Variants in KLRF1 observed in about 807,000 individuals in gnomAD.
The protein encoded by KLRF1 is killer cell lectin-like receptor subfamily F member 1.
KLRF1 carries 27 observed loss-of-function variants against 30.7 expected under a neutral mutation model. The observed-to-expected ratio is 0.88, with a 90% CI of 0.65 to 1.21. The LOEUF (loss-of-function observed/expected upper bound fraction) is 1.21. KLRF1 is among the 50% of genes most tolerant of loss of function. The pLI, the probability that KLRF1 is intolerant of heterozygous loss-of-function variation, is 0.00. For synonymous variants in KLRF1, 92 were observed against 89.3 expected (o/e 1.03, Z -0.17); for missense variants, 246 against 259.3 (o/e 0.95, Z 0.35).
the KLRF1 span, among the ~76,000 whole-genome samples, chr12:9,807,690 C>T: frequency 1.3e-5 from 2 of 152,084 alleles, no homozygotes; most frequent in Non-Finnish European, 2.9e-5. Context: ...TGCTTTCACT[C>T]TTAAGAATAT....
chr12:9,823,732 C>T (rs977958428), upstream of KLRF1, among the ~76,000 whole-genome samples: 49 of 150,564 alleles, frequency 3.3e-4, 1 homozygote, highest in African/African-American at 1.2e-3. Context: ...AAAAGTCTCT[C>T]ATTGGACTAA....
intron 1 of KLRF1, among the ~76,000 whole-genome samples, chr12:9,829,519 G>A (rs1035809768): frequency 3.3e-5 from 5 of 152,266 alleles, no homozygotes; most frequent in Admixed American, 6.5e-5. Context: ...TTGGAAGGCC[G>A]AGGCAGGATG....
chr12:9,823,285 C>T (rs1321915846), upstream of KLRF1, among the ~76,000 whole-genome samples: 2 of 149,082 alleles, frequency 1.3e-5, no homozygotes, highest in African/African-American at 2.5e-5. Flanking sequence ...ATGCCAAACA[C>T]ATTCTTGGAC....
the KLRF1 span, among the ~76,000 whole-genome samples, chr12:9,820,377 C>T: frequency 6.6e-6 from 1 of 152,228 alleles, no homozygotes; most frequent in African/African-American, 2.4e-5. Flanking sequence ...CGTATCTCCT[C>T]GCTGGGCGGG....
chr12:9,811,670 G>A, the KLRF1 span, among the ~76,000 whole-genome samples: 2 of 152,178 alleles, frequency 1.3e-5, no homozygotes, highest in African/African-American at 2.4e-5. Context: ...ACAAAGGAAG[G>A]AAAGGAGAAG....
chr12:9,823,221 A>C (rs1867246153), upstream of KLRF1, among the ~76,000 whole-genome samples: 1 of 63,264 alleles, frequency 1.6e-5, no homozygotes. Flanking sequence ...TTCTTAGCAA[A>C]TGCAAAAAAA....
the KLRF1 span, among the ~76,000 whole-genome samples, chr12:9,806,817 A>C: frequency 6.6e-6 from 1 of 151,964 alleles, no homozygotes; most frequent in Non-Finnish European, 1.5e-5. Flanking sequence ...AGTAGCTGAG[A>C]CGACAGGCAC....
chr12:9,801,209 G>C, the KLRF1 span, among the ~76,000 whole-genome samples: 1 of 152,108 alleles, frequency 6.6e-6, no homozygotes, highest in East Asian at 1.9e-4. Context: ...AGTATTCCAT[G>C]GTGTATATGT....
chr12:9,829,695 G>A (rs754110645), intron 1 of KLRF1, among the ~76,000 whole-genome samples: 20 of 152,270 alleles, frequency 1.3e-4, no homozygotes, highest in African/African-American at 4.3e-4. Context: ...GGAGCTCAAG[G>A]TTACAAAGAG....
chr12:9,840,333 G>C (rs1282701292), intron 3 of KLRF1, among the ~76,000 whole-genome samples: 1 of 151,942 alleles, frequency 6.6e-6, no homozygotes, highest in Non-Finnish European at 1.5e-5. Context: ...GGCTAAAATG[G>C]TGAATTTTAT....
intron 3 of KLRF1, among the ~76,000 whole-genome samples, chr12:9,833,705 G>C (rs1469514180): frequency 6.6e-6 from 1 of 152,094 alleles, no homozygotes; most frequent in Non-Finnish European, 1.5e-5. Flanking sequence ...TGGAAAGTTA[G>C]TTGTTATTAA....
In KLRF1 at chr12:9,833,302, G is replaced by A; in HGVS notation, c.185-1G>A. The A allele has an allele frequency of 3.8e-6, 6 of 1,588,300 alleles. No homozygotes were observed. Among genetic ancestry groups the A allele is most frequent in the Non-Finnish European group, 5.1e-6 (6 of 1,168,836 alleles). On this transcript the variant is annotated splice_acceptor_variant, in intron 2 of 5. Coordinates refer to ENST00000617889, the MANE Select transcript of KLRF1 (RefSeq NM_016523.3). LOFTEE classifies it high-confidence loss of function. ...AACCTTAAAATAGTCCTGTATTCAA[G>A]TTTCTCAGGGAGTATTGCTAAAATG... is the stretch of plus-strand genomic sequence containing the variant.
upstream of KLRF1, among the ~76,000 whole-genome samples, chr12:9,824,663 G>C (rs1175209979): frequency 6.6e-6 from 1 of 152,122 alleles, no homozygotes; most frequent in African/African-American, 2.4e-5. Context: ...TAGGAAGAGA[G>C]GACGTAAAAC....
At chr12:9,821,886 G>A in the KLRF1 span, among the ~76,000 whole-genome samples, 48 of 152,190 alleles carry the variant, frequency 3.2e-4, no homozygotes, top group African/African-American at 1.2e-3. Context: ...ACATCCCAAA[G>A]CTTTAATACC....
chr12:9,834,013 G>A (rs900930774), intron 3 of KLRF1, among the ~76,000 whole-genome samples: 4 of 149,972 alleles, frequency 2.7e-5, no homozygotes, highest in Admixed American at 1.3e-4. Context: ...GGGTGAGGCC[G>A]TTTTATAGGA....
the KLRF1 span, among the ~76,000 whole-genome samples, chr12:9,815,494 G>T: frequency 6.6e-6 from 1 of 152,222 alleles, no homozygotes; most frequent in African/African-American, 2.4e-5. Context: ...CTATTTCTCT[G>T]TCAGCAGATA....
chr12:9,833,191 A>C, intron 2 of KLRF1, 112 bp from the exon 3 acceptor site: 1 of 676,928 alleles, frequency 1.5e-6, no homozygotes, highest in East Asian at 3.2e-5. Context: ...GATCCTAGTG[A>C]CCGTTTCAAT....
chr12:9,841,259 G>A (rs778523091), intron 3 of KLRF1, among the ~76,000 whole-genome samples: 29 of 151,962 alleles, frequency 1.9e-4, no homozygotes, highest in Non-Finnish European at 3.7e-4. Flanking sequence ...GGAGCTAAAT[G>A]ATGAGAACAC....
intron 5 of KLRF1, among the ~76,000 whole-genome samples, 168 bp from the exon 6 acceptor site, chr12:9,844,250 G>A (rs979623825): frequency 3.9e-5 from 6 of 152,100 alleles, no homozygotes; most frequent in Non-Finnish European, 7.4e-5. Context: ...ACCAACCACA[G>A]CTAACAAGGC....
Sources: allele counts gnomAD v4.1 joint callset (sites outside exome capture counted in the v4.1 genomes callset), GRCh38; gene constraint gnomAD v4.1.1; transcripts MANE v1.5; gene names NCBI Gene and HGNC (gene_info 2026-07-23, HGNC 2026-07-21).